GNAQ: variants seen among roughly 807,000 people sequenced by gnomAD.
The protein encoded by GNAQ is guanine nucleotide-binding protein G(q) subunit alpha.
Under a neutral mutation model 43.9 loss-of-function variants are expected in GNAQ, and 8 were observed. The ratio of observed to expected loss-of-function variants is 0.18; its 90% CI spans 0.11 to 0.33. The LOEUF (loss-of-function observed/expected upper bound fraction) is 0.33, where lower values mean the gene tolerates loss of function less well. Ranked by LOEUF, GNAQ falls within the 10% of genes least tolerant of loss-of-function variation. The pLI, the probability that GNAQ is intolerant of heterozygous loss-of-function variation, is 1.00. For synonymous variants in GNAQ, 155 were observed against 170.7 expected (o/e 0.91, Z 0.71); for missense variants, 158 against 450.8 (o/e 0.35, Z 5.88).
chr9:77,760,726 G>A (rs927915216), intron 5 of GNAQ, among the ~76,000 whole-genome samples: 8 of 151,518 alleles, frequency 5.3e-5, no homozygotes, highest in South Asian at 2.1e-4. Flanking sequence ...AGTGAGGAGC[G>A]TCTCTGCCCG....
At chr9:77,808,865 TA>T (rs531696724) in intron 3 of GNAQ, among the ~76,000 whole-genome samples, 2,323 of 150,456 alleles carry the variant, frequency 0.015, 57 homozygotes, top group African/African-American at 0.053. Context: ...GGCTTAAACT[TA>T]AAAAAAACAA....
chr9:78,009,703 A>C (rs914784315), intron 1 of GNAQ, among the ~76,000 whole-genome samples: 1 of 152,252 alleles, frequency 6.6e-6, no homozygotes, highest in South Asian at 2.1e-4. Context: ...TTAGAGAATG[A>C]ACAGGGTAGA....
chr9:77,946,737 C>A (rs1053178183), intron 1 of GNAQ, among the ~76,000 whole-genome samples: 1 of 152,174 alleles, frequency 6.6e-6, no homozygotes, highest in African/African-American at 2.4e-5. Context: ...AGTTGCTATA[C>A]GGATCAACAG....
intron 2 of GNAQ, among the ~76,000 whole-genome samples, chr9:77,912,045 TA>T (rs139295296): frequency 8.5e-5 from 13 of 152,196 alleles, no homozygotes; most frequent in African/African-American, 3.1e-4. Context: ...ACCTGCCAGT[TA>T]AAAAAATGCT....
intron 5 of GNAQ, among the ~76,000 whole-genome samples, chr9:77,779,281 C>T (rs1587912821): frequency 6.6e-6 from 1 of 151,818 alleles, no homozygotes; most frequent in East Asian, 1.9e-4. Flanking sequence ...GGGAAATCCC[C>T]AAATACATGG....
intron 2 of GNAQ, among the ~76,000 whole-genome samples, chr9:77,852,214 G>T (rs1475122328): frequency 6.6e-6 from 1 of 152,136 alleles, no homozygotes; most frequent in Admixed American, 6.5e-5. Flanking sequence ...TTTCCTTCTT[G>T]CATCGGAAGA....
chr9:77,957,992 T>C (rs1823063486), intron 1 of GNAQ, among the ~76,000 whole-genome samples: 1 of 152,230 alleles, frequency 6.6e-6, no homozygotes, highest in African/African-American at 2.4e-5. Context: ...ATTATTCATC[T>C]ATGGTCACCT....
intron 2 of GNAQ, among the ~76,000 whole-genome samples, chr9:77,829,848 C>T (rs1439003236): frequency 6.6e-6 from 1 of 152,122 alleles, no homozygotes; most frequent in African/African-American, 2.4e-5. Context: ...GCTTCTCAAA[C>T]TGGGCTGAAC....
At chr9:77,868,015 T>C (rs916483767) in intron 2 of GNAQ, among the ~76,000 whole-genome samples, 2 of 152,188 alleles carry the variant, frequency 1.3e-5, no homozygotes, top group African/African-American at 4.8e-5. Flanking sequence ...GTAGAGCCAA[T>C]TTTGCTTAAG....
intron 1 of GNAQ, among the ~76,000 whole-genome samples, chr9:77,986,785 G>C (rs982857927): frequency 6.9e-6 from 1 of 145,810 alleles, no homozygotes; most frequent in Admixed American, 6.8e-5. Flanking sequence ...TTACAAGAAT[G>C]AGCCATGGCA....
At chr9:77,761,258 T>A (rs529195346) in intron 5 of GNAQ, among the ~76,000 whole-genome samples, 1 of 78,822 alleles carries the variant, frequency 1.3e-5, no homozygotes, top group East Asian at 4.1e-4. Context: ...CCAGCCACCC[T>A]GTCCGGGAGG....
At chr9:77,894,290 ACT>A (rs1488557251) in intron 2 of GNAQ, among the ~76,000 whole-genome samples, 4 of 100,676 alleles carry the variant, frequency 4.0e-5, no homozygotes, top group South Asian at 3.6e-4. Context: ...CTAATAATAC[ACT>A]GTTTTAATAG....
intron 1 of GNAQ, among the ~76,000 whole-genome samples, chr9:77,929,839 A>C (rs1381845466): frequency 6.6e-6 from 1 of 152,026 alleles, no homozygotes; most frequent in Non-Finnish European, 1.5e-5. Context: ...CACACACAAA[A>C]ATTTTTTTTT....
At chr9:77,756,146 G>A (rs1825899785) in intron 5 of GNAQ, among the ~76,000 whole-genome samples, 3 of 152,176 alleles carry the variant, frequency 2.0e-5, no homozygotes, top group South Asian at 2.1e-4. Context: ...TTTGGAACTC[G>A]GACTGGCTTC....
intron 2 of GNAQ, among the ~76,000 whole-genome samples, chr9:77,856,554 T>A (rs1827758554): frequency 6.6e-6 from 1 of 152,122 alleles, no homozygotes; most frequent in African/African-American, 2.4e-5. Flanking sequence ...AACATCTAAG[T>A]GATTCTTTTC....
intron 1 of GNAQ, among the ~76,000 whole-genome samples, chr9:77,966,816 C>T (rs1564165244): frequency 6.6e-6 from 1 of 152,178 alleles, no homozygotes; most frequent in Non-Finnish European, 1.5e-5. Flanking sequence ...CCTCTCCATT[C>T]TTCAACAAAC....
chr9:77,982,514 A>T (rs1261155096), intron 1 of GNAQ, among the ~76,000 whole-genome samples: 1 of 152,046 alleles, frequency 6.6e-6, no homozygotes, highest in Non-Finnish European at 1.5e-5. Flanking sequence ...GACATGGGGG[A>T]CGGGGAGACC....
Position 77,986,161 on chromosome 9 carries a change from C to A in GNAQ, c.136+44939G>T, listed in dbSNP as rs188761538. On this transcript the variant is annotated intron_variant, in intron 1 of 6. Coordinates refer to ENST00000286548, the MANE Select transcript of GNAQ (RefSeq NM_002072.5). ...TATAGCCACCACCACCTTTCCCTTG[C>A]CACATAGCTGCTGCAAGATATCTGG... Among the ~76,000 whole-genome samples the A allele has an allele frequency of 3.3e-4, 51 of 152,286 alleles. No individual in the cohort carries two copies. The East Asian group carries it at 7.3e-3, about 22-fold the overall frequency.
intron 1 of GNAQ, among the ~76,000 whole-genome samples, chr9:77,968,363 T>G (rs758822621): frequency 6.6e-6 from 1 of 152,232 alleles, no homozygotes; most frequent in Non-Finnish European, 1.5e-5. Context: ...AGGTGAATTA[T>G]ATTCCTTTTT....
Sources: gnomAD v4.1 joint callset for allele counts (sites outside exome capture counted in the v4.1 genomes callset) on GRCh38, gnomAD v4.1.1 for gene constraint, MANE v1.5 for transcripts, NCBI Gene and HGNC (gene_info 2026-07-23, HGNC 2026-07-21) for gene names.